Variants in COL22A1 observed in about 807,000 individuals in gnomAD.
COL22A1 encodes the protein collagen type XXII alpha 1 chain, also known as collagen alpha-1(XXII) chain.
Under a neutral mutation model 248.9 loss-of-function variants are expected in COL22A1, and 221 were observed. The ratio of observed to expected loss-of-function variants is 0.89; its 90% CI spans 0.80 to 0.99. The LOEUF (loss-of-function observed/expected upper bound fraction) is 0.99. Ranked by LOEUF, COL22A1 falls within the 50% of genes least tolerant of loss-of-function variation. COL22A1 has a pLI of 0.00. For missense variants in COL22A1, 2,240 were observed against 2,179.0 expected, an observed-to-expected ratio of 1.03 and a Z score of -0.56; for synonymous variants, 891 against 793.4, an observed-to-expected ratio of 1.12 and a Z score of -2.07.
intron 1 of COL22A1, among the ~76,000 whole-genome samples, chr8:138,886,731 T>A (rs1247770888): frequency 6.6e-6 from 1 of 152,186 alleles, no homozygotes; most frequent in African/African-American, 2.4e-5. Context: ...TCTTATTGGA[T>A]CCTCACGTTC....
intron 3 of COL22A1, among the ~76,000 whole-genome samples, chr8:138,856,707 GAGAC>G (rs1822052629): frequency 6.6e-6 from 1 of 152,162 alleles, no homozygotes; most frequent in Non-Finnish European, 1.5e-5. Flanking sequence ...GATAGAGAGA[GAGAC>G]AGAGGCAGTG....
chr8:138,748,271 G>C (rs1418138913), intron 22 of COL22A1, among the ~76,000 whole-genome samples: 1 of 152,140 alleles, frequency 6.6e-6, no homozygotes, highest in African/African-American at 2.4e-5. Flanking sequence ...TCTCCACTGA[G>C]GTCATCTGTT....
At chr8:138,826,967 C>A (rs1819635468) in intron 5 of COL22A1, among the ~76,000 whole-genome samples, 186 bp from the exon 6 acceptor site, 1 of 152,168 alleles carries the variant, frequency 6.6e-6, no homozygotes. Flanking sequence ...GTGGCCTAGA[C>A]CATCGTCATG....
intron 3 of COL22A1, among the ~76,000 whole-genome samples, chr8:138,851,090 C>A (rs1453709815): frequency 1.3e-5 from 2 of 152,176 alleles, no homozygotes; most frequent in Non-Finnish European, 2.9e-5. Flanking sequence ...CAGAGAGAGG[C>A]AAGTCAGCCA....
intron 3 of COL22A1, among the ~76,000 whole-genome samples, chr8:138,867,957 G>A (rs1302518711): frequency 6.6e-6 from 1 of 152,076 alleles, no homozygotes; most frequent in Non-Finnish European, 1.5e-5. Flanking sequence ...TACAGACAGG[G>A]TTTCACCATG....
At chr8:138,649,296 T>G (rs1822485579) in intron 46 of COL22A1, among the ~76,000 whole-genome samples, 1 of 152,218 alleles carries the variant, frequency 6.6e-6, no homozygotes, top group South Asian at 2.1e-4. Flanking sequence ...CATTGATTGA[T>G]CTATGAGTCT....
rs1819120943 is a variant in COL22A1 at position 138,821,419 on chromosome 8, GGAAAGGACCAGAGA to G, written c.970-22_970-9del. The G allele has an allele frequency of 6.2e-7, 1 of 1,610,230 alleles. No homozygotes were observed. Among genetic ancestry groups the G allele is most frequent in the African/African-American group, 1.3e-5 (1 of 74,832 alleles). On this transcript the variant is annotated splice_polypyrimidine_tract_variant and intron_variant, in intron 6 of 64. Coordinates refer to ENST00000303045, the MANE Select transcript of COL22A1 (RefSeq NM_152888.3). ...ATCCAGCCGGATGGAGACCTGGGGA[GGAAAGGACCAGAGA>G]CTCCTTGAGCTTCTTGGGGCCAAGG...
chr8:138,750,424 G>T (rs1207979806), intron 22 of COL22A1, among the ~76,000 whole-genome samples: 1 of 152,182 alleles, frequency 6.6e-6, no homozygotes, highest in African/African-American at 2.4e-5. Context: ...GTCAGAGTCG[G>T]CGCTGAATGA....
intron 16 of COL22A1, among the ~76,000 whole-genome samples, chr8:138,763,262 CT>C (rs1260066516): frequency 6.6e-6 from 1 of 152,040 alleles, no homozygotes; most frequent in Non-Finnish European, 1.5e-5. Context: ...TGGCGTGTGC[CT>C]GTAGTCCCAA....
At chr8:138,883,375 C>T (rs111599735) in intron 1 of COL22A1, 131 bp from the exon 2 acceptor site, 7 of 589,544 alleles carry the variant, frequency 1.2e-5, no homozygotes, top group African/African-American at 9.3e-5. Context: ...GATTCAACTC[C>T]AGGCAGCGAA....
At chr8:138,684,730 G>A (rs967741458) in intron 38 of COL22A1, among the ~76,000 whole-genome samples, 1 of 152,184 alleles carries the variant, frequency 6.6e-6, no homozygotes, top group South Asian at 2.1e-4. Flanking sequence ...CCATTGAAGA[G>A]CCTTATTGTA....
chr8:138,692,140 G>A (rs1286642518), intron 35 of COL22A1, among the ~76,000 whole-genome samples: 1 of 151,296 alleles, frequency 6.6e-6, no homozygotes, highest in African/African-American at 2.4e-5. Flanking sequence ...GTGTGTGCAT[G>A]TTTGTGGTGG....
chr8:138,756,534 A>G (rs1833020514), intron 18 of COL22A1, among the ~76,000 whole-genome samples: 1 of 152,206 alleles, frequency 6.6e-6, no homozygotes, highest in East Asian at 1.9e-4. Flanking sequence ...AGGAAAATAC[A>G]TATAGTCAAT....
At chr8:138,819,644 A>T (rs1273769897) in intron 7 of COL22A1, among the ~76,000 whole-genome samples, 1 of 148,098 alleles carries the variant, frequency 6.8e-6, no homozygotes, top group African/African-American at 2.5e-5. Flanking sequence ...AATTATATAG[A>T]TATAAATTAA....
At chr8:138,880,350 G>A (rs530523424) in intron 2 of COL22A1, among the ~76,000 whole-genome samples, 7 of 152,194 alleles carry the variant, frequency 4.6e-5, no homozygotes, top group Non-Finnish European at 7.3e-5. Context: ...GCGTGTGTGT[G>A]CACGCGCGAT....
At chr8:138,832,432 G>A (rs1293703882) in intron 5 of COL22A1, among the ~76,000 whole-genome samples, 1 of 152,170 alleles carries the variant, frequency 6.6e-6, no homozygotes, top group Non-Finnish European at 1.5e-5. Context: ...AAGAAGAATA[G>A]AGCATTCATT....
intron 22 of COL22A1, among the ~76,000 whole-genome samples, chr8:138,742,684 G>C (rs2131291798): frequency 6.6e-6 from 1 of 151,652 alleles, no homozygotes; most frequent in East Asian, 2.0e-4. Context: ...TCACGATGGT[G>C]ATGGTGGAGT....
At chr8:138,634,932 C>A in intron 49 of COL22A1, 78 bp downstream of exon 49, 1 of 976,250 alleles carries the variant, frequency 1.0e-6, no homozygotes, top group South Asian at 1.3e-5. Context: ...TGCTCAGTGT[C>A]ATACCATGCC....
At chr8:138,836,483 A>G (rs1441223804) in intron 4 of COL22A1, among the ~76,000 whole-genome samples, 6 of 152,186 alleles carry the variant, frequency 3.9e-5, no homozygotes, top group Non-Finnish European at 8.8e-5. Flanking sequence ...CATGCCTGAA[A>G]CACAACAGTT....
Sources: gnomAD v4.1 joint callset for allele counts (sites outside exome capture counted in the v4.1 genomes callset) on GRCh38, gnomAD v4.1.1 for gene constraint, MANE v1.5 for transcripts, NCBI Gene and HGNC (gene_info 2026-07-23, HGNC 2026-07-21) for gene names.